The following NPRL2 variants were observed in gnomAD, a reference collection of about 807,000 sequenced individuals.
NPRL2 encodes NPR2 like, GATOR1 complex subunit.
NPRL2 carries 21 observed loss-of-function variants against 51.1 expected under a neutral mutation model. That is an observed-to-expected ratio of 0.41 (90% CI 0.29 to 0.59). NPRL2 has a LOEUF of 0.59. NPRL2 is among the 20% of genes least tolerant of loss of function. The pLI, the probability that NPRL2 is intolerant of heterozygous loss-of-function variation, is 0.29. For synonymous variants in NPRL2, 175 were observed against 187.8 expected, an observed-to-expected ratio of 0.93 and a Z score of 0.56; for missense variants, 376 against 483.4, an observed-to-expected ratio of 0.78 and a Z score of 2.08.
chr3:50,349,715 C>T lies in NPRL2; in HGVS notation c.289G>A (p.Ala97Thr), dbSNP rs769094641. 61 of 1,613,724 alleles carry T rather than the reference C, an allele frequency of 3.8e-5. No individual in the cohort carries two copies. Among genetic ancestry groups the T allele is most frequent in the Middle Eastern group, 1.6e-4 (1 of 6,084 alleles). Reference sequence around the variant, plus strand: ...AGCTTTTTAACAATGGGCTCGAGGGCGCAGGTCTTGGCCTGGGCATCACAC... The same window carrying T: ...AGCTTTTTAACAATGGGCTCGAGGGTGCAGGTCTTGGCCTGGGCATCACAC... ...FVCDAQAKTC[A>T]LEPIVKKLAG... The change falls in exon 3 of 11, where the codon GCC becomes ACC. Residue 97 changes from alanine (A) to threonine (T), a missense_variant. Physicochemically the swap from Ala to Thr is moderately conservative, Grantham distance 58. Coordinates refer to ENST00000232501, the MANE Select transcript of NPRL2 (RefSeq NM_006545.5). The surrounding 1 kb of genome is among the most constrained non-coding windows in gnomAD (Gnocchi z 4.6).
Position 50,348,502 on chromosome 3 carries a change from A to T in NPRL2, c.720+25T>A. Reference sequence around the variant, plus strand: ...GGTCCAGCCACATGATCCACTCTCCACTTAACCAAACCCAACTCACCTACC... The same window carrying T: ...GGTCCAGCCACATGATCCACTCTCCTCTTAACCAAACCCAACTCACCTACC... On this transcript the variant is annotated intron_variant, in intron 7 of 10. Transcript: ENST00000232501. The surrounding 1 kb of genome is among the most constrained non-coding windows in gnomAD (Gnocchi z 5.8). 1 of 1,614,008 alleles carries T rather than the reference A, an allele frequency of 6.2e-7. No homozygotes were observed. Among genetic ancestry groups the T allele is most frequent in the Non-Finnish European group, 8.5e-7 (1 of 1,179,976 alleles).
rs746091796 is a variant in NPRL2, at chr3:50,348,477, G to C, written c.720+50C>G. ...TGGGAAGCTGACACAGCCCTGGTCT[G>C]GTCCAGCCACATGATCCACTCTCCA... On this transcript the variant is annotated intron_variant, in intron 7 of 10. Coordinates refer to ENST00000232501, the MANE Select transcript of NPRL2 (RefSeq NM_006545.5). The surrounding 1 kb of genome is among the most constrained non-coding windows in gnomAD (Gnocchi z 5.8). 3 of 1,613,572 alleles carry C rather than the reference G, an allele frequency of 1.9e-6. No homozygotes were observed. Among genetic ancestry groups the C allele is most frequent in the South Asian group, 2.2e-5 (2 of 91,072 alleles).
In NPRL2 at chr3:50,350,745, C is replaced by T; in HGVS notation, c.-93G>A. The T allele has an allele frequency of 2.7e-6, 4 of 1,506,062 alleles. No homozygotes were observed. The highest frequency in any genetic ancestry group is 3.5e-6 in the Non-Finnish European group (4 of 1,127,110). The allele number at this position is 1,506,062 out of a possible 1,614,324, so 93.3% of individuals were successfully genotyped here. A position where few individuals can be genotyped will look rare whatever the true frequency, so the allele number is the denominator to read the frequency against. The stretch of plus-strand genomic sequence containing the variant: ...CACTTGTCAGAGACAGCCTCGAGGC[C>T]TGTGTCGCTGGGGCACGCAAGCTTG... On this transcript the variant is annotated 5_prime_UTR_variant, in exon 1 of 11. Coordinates refer to ENST00000232501, the MANE Select transcript of NPRL2 (RefSeq NM_006545.5). This position sits in a 1 kb window ranked among gnomAD's most constrained non-coding sequence, Gnocchi z 5.7.
Position 50,348,915 on chromosome 3 carries a change from CCTT to C in NPRL2, c.541_543del (p.Lys181del), listed in dbSNP as rs1703650800. ...TCCCACTGTGAGTTGAAGAAATCCT[CCTT>C]GTCTTTGGTAAAGACAGGTACATCA... On this transcript the variant is annotated inframe_deletion, in exon 5 of 11. Coordinates refer to ENST00000232501, the MANE Select transcript of NPRL2 (RefSeq NM_006545.5). This position sits in a 1 kb window ranked among gnomAD's most constrained non-coding sequence, Gnocchi z 5.8. The C allele has an allele frequency of 6.2e-7, 1 of 1,614,108 alleles. No individual in the cohort carries two copies. The highest frequency in any genetic ancestry group is 8.5e-7 in the Non-Finnish European group (1 of 1,180,026).
In NPRL2 at chr3:50,348,071, G is replaced by A. The variant is rs927047907; in HGVS notation, c.932+53C>T. The A allele has an allele frequency of 1.3e-6, 2 of 1,597,734 alleles. No individual in the cohort carries two copies. Among genetic ancestry groups the A allele is most frequent in the Admixed American group, 3.3e-5 (2 of 59,962 alleles). ...TCCAGGGCTCCTGAGAGACATAAAG[G>A]GTCTAGCTTCCCTCAGGTAACTCCC... On this transcript the variant is annotated intron_variant, in intron 9 of 10. Coordinates refer to ENST00000232501, the MANE Select transcript of NPRL2 (RefSeq NM_006545.5). This position sits in a 1 kb window ranked among gnomAD's most constrained non-coding sequence, Gnocchi z 5.8.
rs1575563744 is a variant in NPRL2, at chr3:50,350,429, G to C, written c.78+146C>G. Reference sequence around the variant, plus strand: ...CTGCCACATTGGGAGCCGGGGGCCTGGGTCTGACTATCCTCTAGCCTCACA... The same window carrying C: ...CTGCCACATTGGGAGCCGGGGGCCTCGGTCTGACTATCCTCTAGCCTCACA... On this transcript the variant is annotated intron_variant, in intron 1 of 10. Transcript: ENST00000232501. This position sits in a 1 kb window ranked among gnomAD's most constrained non-coding sequence, Gnocchi z 5.7. 3.3e-5 allele frequency: 27 copies of C among 820,142 alleles called. No homozygotes were observed. Among genetic ancestry groups the C allele is most frequent in the Non-Finnish European group, 4.9e-5 (26 of 528,658 alleles). 50.8% of individuals were successfully genotyped at this position (820,142 alleles called of 1,614,324 possible).
Position 50,350,319 on chromosome 3 carries a change from C to T in NPRL2, c.78+256G>A, listed in dbSNP as rs1029734349. On this transcript the variant is annotated intron_variant, in intron 1 of 10. Coordinates refer to ENST00000232501, the MANE Select transcript of NPRL2 (RefSeq NM_006545.5). This position sits in a 1 kb window ranked among gnomAD's most constrained non-coding sequence, Gnocchi z 5.7. ...AGGGATACTCATGGGTCACCCAACT[C>T]ACCTTCTGTGGGACCTGGAACCCCC... is the stretch of plus-strand genomic sequence containing the variant. The T allele has an allele frequency of 7.0e-5, 42 of 601,744 alleles. No individual in the cohort carries two copies. Among genetic ancestry groups the T allele is most frequent in the Non-Finnish European group, 1.2e-4 (40 of 339,952 alleles). 37.3% of individuals were successfully genotyped at this position (601,744 alleles called of 1,614,324 possible).
chr3:50,348,494 C>A lies in NPRL2; in HGVS notation c.720+33G>T, dbSNP rs1215987730. 1 of 1,613,986 alleles carries A rather than the reference C, an allele frequency of 6.2e-7. No homozygotes were observed. Among genetic ancestry groups the A allele is most frequent in the South Asian group, 1.1e-5 (1 of 91,072 alleles). ...CCTGGTCTGGTCCAGCCACATGATC[C>A]ACTCTCCACTTAACCAAACCCAACT... On this transcript the variant is annotated intron_variant, in intron 7 of 10. Coordinates refer to ENST00000232501, the MANE Select transcript of NPRL2 (RefSeq NM_006545.5). This position sits in a 1 kb window ranked among gnomAD's most constrained non-coding sequence, Gnocchi z 5.8.
chr3:50,348,388 G>T lies in NPRL2; in HGVS notation c.743C>A (p.Thr248Lys), dbSNP rs779257186. ...ILQYSNVYCP[T>K]PKVQDLVDDK... ...ATCTACCAGGTCCTGGACCTTGGGCGTTGGGCAGTATACATTGGAGTACTA... is the reference window on the plus strand; with the variant it reads ...ATCTACCAGGTCCTGGACCTTGGGCTTTGGGCAGTATACATTGGAGTACTA... The change falls in exon 8 of 11, where the codon ACG (threonine) becomes AAG (lysine). Residue 248 changes from threonine to lysine, a missense_variant. Physicochemically the swap from Thr to Lys is moderately conservative, Grantham distance 78 (BLOSUM62 -1). Transcript: ENST00000232501. This position sits in a 1 kb window ranked among gnomAD's most constrained non-coding sequence, Gnocchi z 5.8. The T allele has an allele frequency of 1.9e-6, 3 of 1,613,930 alleles. No individual in the cohort carries two copies. Among genetic ancestry groups the T allele is most frequent in the Non-Finnish European group, 2.5e-6 (3 of 1,180,050 alleles).
At position 50,349,599 on chromosome 3, in the gene NPRL2, T is replaced by C; in HGVS notation, c.339+66A>G. On this transcript the variant is annotated intron_variant, in intron 3 of 10. Coordinates refer to ENST00000232501, the MANE Select transcript of NPRL2 (RefSeq NM_006545.5). This position sits in a 1 kb window ranked among gnomAD's most constrained non-coding sequence, Gnocchi z 4.6. ...GCAGGGTCCCAGGTTTGGGGGACTT[T>C]GGAGACATGGGAACACCTTCCCCAA... 2.5e-6 allele frequency: 4 copies of C among 1,606,670 alleles called. No homozygotes were observed. The South Asian group carries it at 4.4e-5, about 18-fold the overall frequency.
In NPRL2 at chr3:50,350,603, G is replaced by T; in HGVS notation, c.50C>A (p.Pro17His). Residue 17 changes from proline (P) to histidine (H), a missense_variant, in exon 1 of 11, where the codon CCC (proline) becomes CAC (histidine). Coordinates refer to ENST00000232501, the MANE Select transcript of NPRL2 (RefSeq NM_006545.5). The surrounding 1 kb of genome is among the most constrained non-coding windows in gnomAD (Gnocchi z 5.7). ...IECIFFSEFH[P>H]TLGPKITYQV... Reference sequence around the variant, plus strand: ...ATAGGTGATCTTGGGTCCCAGCGTGGGGTGGAACTCGCTGAAGAATATGCA... The same window carrying T: ...ATAGGTGATCTTGGGTCCCAGCGTGTGGTGGAACTCGCTGAAGAATATGCA... The T allele has an allele frequency of 6.2e-7, 1 of 1,609,760 alleles. No individual in the cohort carries two copies. Among genetic ancestry groups the T allele is most frequent in the South Asian group, 1.1e-5 (1 of 90,258 alleles).
chr3:50,349,059 C>A lies in NPRL2; in HGVS notation c.449-49G>T, dbSNP rs1406366065. ...CTCAGTGCCACTTCTTCCAAGAGGT[C>A]CTCAATTACCATCCAGGCCTCCCAG... On this transcript the variant is annotated intron_variant, in intron 4 of 10. Coordinates refer to ENST00000232501, the MANE Select transcript of NPRL2 (RefSeq NM_006545.5). The surrounding 1 kb of genome is among the most constrained non-coding windows in gnomAD (Gnocchi z 4.6). 6.3e-7 allele frequency: 1 copy of A among 1,592,084 alleles called. No individual in the cohort carries two copies. The highest frequency in any genetic ancestry group is 1.3e-5 in the African/African-American group (1 of 74,448).
At position 50,349,139 on chromosome 3, in the gene NPRL2, GGAGT is replaced by G; in HGVS notation, c.449-133_449-130del. The G allele has an allele frequency of 8.4e-7, 1 of 1,192,978 alleles. No individual in the cohort carries two copies. Among genetic ancestry groups the G allele is most frequent in the Admixed American group, 2.5e-5 (1 of 40,428 alleles). The allele number at this position is 1,192,978 out of a possible 1,614,324, so 73.9% of individuals were successfully genotyped here. A position where few individuals can be genotyped will look rare whatever the true frequency, so the allele number is the denominator to read the frequency against. On this transcript the variant is annotated intron_variant, in intron 4 of 10. Transcript: ENST00000232501. This position sits in a 1 kb window ranked among gnomAD's most constrained non-coding sequence, Gnocchi z 4.6. ...GTAGGGCTAATCTTTCTCTTTTTAT[GGAGT>G]GAGAAACGGAGGCCCACAAAGGGGA...
rs1168016060 is a variant in NPRL2 at position 50,347,575 on chromosome 3, C to T, written c.*31G>A. On this transcript the variant is annotated 3_prime_UTR_variant, in exon 11 of 11. Coordinates refer to ENST00000232501, the MANE Select transcript of NPRL2 (RefSeq NM_006545.5). ...GCCTCCTAGTAGGAGGGACTACCCA[C>T]AGCAATGTGTCCATCCAGTCACTAC... 3 of 1,613,506 alleles carry T rather than the reference C, an allele frequency of 1.9e-6. No homozygotes were observed. The highest frequency in any genetic ancestry group is 1.6e-4 in the Middle Eastern group (1 of 6,078).
Position 50,350,563 on chromosome 3 carries a change from C to T in NPRL2, c.78+12G>A, listed in dbSNP as rs1289158851. On this transcript the variant is annotated intron_variant, in intron 1 of 10. Coordinates refer to ENST00000232501, the MANE Select transcript of NPRL2 (RefSeq NM_006545.5). This position sits in a 1 kb window ranked among gnomAD's most constrained non-coding sequence, Gnocchi z 5.7. ...CCCTCTTCCCGCCCAGTCCCGCGAG[C>T]CCGGGTGGCACCTGATAGGTGATCT... is the stretch of plus-strand genomic sequence containing the variant. 6.2e-7 allele frequency: 1 copy of T among 1,600,854 alleles called. No individual in the cohort carries two copies. Among genetic ancestry groups the T allele is most frequent in the South Asian group, 1.1e-5 (1 of 88,974 alleles).
chr3:50,347,700 AGT>A, intron 10 of NPRL2, 27 bp from the exon 11 acceptor site: 1 of 1,614,000 alleles, frequency 6.2e-7, no homozygotes, highest in Non-Finnish European at 8.5e-7. Context: ...AGGAGAGGTC[AGT>A]GGCCTTGGCC....
Position 50,350,631 on chromosome 3 carries a change from C to A in NPRL2, c.22G>T (p.Glu8Ter). The A allele has an allele frequency of 6.2e-7, 1 of 1,608,112 alleles. No homozygotes were observed. Among genetic ancestry groups the A allele is most frequent in the Non-Finnish European group, 8.5e-7 (1 of 1,177,848 alleles). Residue 8 changes from glutamate (E) to a stop codon, truncating the protein, a stop_gained, in exon 1 of 11, where the codon GAA becomes TAA. Transcript: ENST00000232501. LOFTEE classifies it high-confidence loss of function. This position sits in a 1 kb window ranked among gnomAD's most constrained non-coding sequence, Gnocchi z 5.7. MGSGCRI[E>*]CIFFSEFHPT... Reference sequence around the variant, plus strand: ...TGGAACTCGCTGAAGAATATGCATTCGATGCGGCAGCCGCTGCCCATGGCA... The same window carrying A: ...TGGAACTCGCTGAAGAATATGCATTAGATGCGGCAGCCGCTGCCCATGGCA...
Position 50,347,471 on chromosome 3 carries a change from A to C in NPRL2, c.*135T>G. 2 of 1,142,166 alleles carry C rather than the reference A, an allele frequency of 1.8e-6. No homozygotes were observed. The highest frequency in any genetic ancestry group is 2.5e-6 in the Non-Finnish European group (2 of 788,202). The allele number at this position is 1,142,166 out of a possible 1,614,324, so 70.8% of individuals were successfully genotyped here. A position where few individuals can be genotyped will look rare whatever the true frequency, so the allele number is the denominator to read the frequency against. ...CTGGGTCTCCCACGGCTGGCCCAGA[A>C]ACAGCACTCAATAAAGGCTGTTTGA... On this transcript the variant is annotated 3_prime_UTR_variant, in exon 11 of 11. Transcript: ENST00000232501.
chr3:50,348,604 T>G lies in NPRL2; in HGVS notation c.684-41A>C, dbSNP rs780104738. 3.1e-6 allele frequency: 5 copies of G among 1,613,940 alleles called. No individual in the cohort carries two copies. The highest frequency in any genetic ancestry group is 1.3e-5 in the African/African-American group (1 of 74,916). ...GTGCTCAGCTTCTGAGGACCATGCCTTCCCAACCCTCACACCCAGGGCCCC... is the reference window on the plus strand; with the variant it reads ...GTGCTCAGCTTCTGAGGACCATGCCGTCCCAACCCTCACACCCAGGGCCCC... On this transcript the variant is annotated intron_variant, in intron 6 of 10. Coordinates refer to ENST00000232501, the MANE Select transcript of NPRL2 (RefSeq NM_006545.5). This position sits in a 1 kb window ranked among gnomAD's most constrained non-coding sequence, Gnocchi z 5.8.
Sources: gnomAD v4.1 joint callset for allele counts on GRCh38, gnomAD v4.1.1 for gene constraint, Gnocchi (gnomAD v3.1) non-coding constraint, MANE v1.5 for transcripts, NCBI Gene and HGNC (gene_info 2026-07-23, HGNC 2026-07-21) for gene names.